SPAG16: variants seen among roughly 807,000 people sequenced by gnomAD.
The protein encoded by SPAG16 is sperm associated antigen 16, also known as sperm-associated antigen 16 protein.
Under a neutral mutation model 80.4 loss-of-function variants are expected in SPAG16, and 86 were observed. The observed-to-expected ratio is 1.07, with a 90% CI of 0.90 to 1.28. SPAG16 has a LOEUF of 1.28. SPAG16 is among the 50% of genes most tolerant of loss of function. SPAG16 has a pLI of 0.00. For missense variants in SPAG16, 870 were observed against 765.3 expected (o/e 1.14, Z -1.61); for synonymous variants, 294 against 265.9 (o/e 1.11, Z -1.03).
chr2:213,895,930 A>T (rs959755185), intron 11 of SPAG16, among the ~76,000 whole-genome samples: 1 of 152,102 alleles, frequency 6.6e-6, no homozygotes, highest in African/African-American at 2.4e-5. Context: ...TAAAAAATAA[A>T]AAAAAATGAA....
At chr2:213,763,735 A>G (rs761733270) in intron 10 of SPAG16, among the ~76,000 whole-genome samples, 5 of 152,210 alleles carry the variant, frequency 3.3e-5, no homozygotes, top group Non-Finnish European at 2.9e-5. Flanking sequence ...GTGATGCAAT[A>G]TGATATTGTG....
chr2:214,061,083 G>C (rs1478339701), intron 13 of SPAG16, among the ~76,000 whole-genome samples: 1 of 152,170 alleles, frequency 6.6e-6, no homozygotes, highest in East Asian at 1.9e-4. Flanking sequence ...AAGTTTGTGA[G>C]ACAGAGTACT....
intron 12 of SPAG16, among the ~76,000 whole-genome samples, chr2:213,967,481 A>T (rs1355286668): frequency 6.6e-6 from 1 of 152,222 alleles, no homozygotes; most frequent in Non-Finnish European, 1.5e-5. Context: ...ATTTTCAAAA[A>T]ACCAGATACT....
At chr2:214,243,087 A>G (rs183817801) in intron 15 of SPAG16, among the ~76,000 whole-genome samples, 7 of 152,310 alleles carry the variant, frequency 4.6e-5, no homozygotes, top group Non-Finnish European at 4.4e-5. Flanking sequence ...TAGAAGTGGT[A>G]ACTAAGTGTT....
intron 10 of SPAG16, among the ~76,000 whole-genome samples, chr2:213,746,323 T>A (rs1163401157): frequency 2.0e-5 from 3 of 152,254 alleles, no homozygotes; most frequent in Non-Finnish European, 1.5e-5. Flanking sequence ...TCCAGTCTTA[T>A]GCCACTTAAC....
In SPAG16 at chr2:213,600,008, G is replaced by C. The variant is rs553120677; in HGVS notation, c.1070+109918G>C. Reference sequence around the variant, plus strand: ...GCCTATTAGTAGTTGTGTTTTATGAGTCAAAGGTTGTATGCAGATTTTCTG... The same window carrying C: ...GCCTATTAGTAGTTGTGTTTTATGACTCAAAGGTTGTATGCAGATTTTCTG... On this transcript the variant is annotated intron_variant, in intron 10 of 15. Coordinates refer to ENST00000331683, the MANE Select transcript of SPAG16 (RefSeq NM_024532.5). Among the ~76,000 whole-genome samples, 125 of 152,262 alleles carry C rather than the reference G, an allele frequency of 8.2e-4. 1 individual carries two copies. The highest frequency in any genetic ancestry group is 1.4e-3 in the Non-Finnish European group (97 of 68,000).
At chr2:213,776,630 A>G (rs1176438460) in intron 10 of SPAG16, among the ~76,000 whole-genome samples, 4 of 152,060 alleles carry the variant, frequency 2.6e-5, no homozygotes, top group African/African-American at 4.8e-5. Flanking sequence ...GAAATTTTAA[A>G]AAGTTTTTTT....
At chr2:214,125,230 A>T (rs1233466209) in intron 14 of SPAG16, among the ~76,000 whole-genome samples, 1 of 151,528 alleles carries the variant, frequency 6.6e-6, no homozygotes, top group Non-Finnish European at 1.5e-5. Context: ...ATGAGGCTTG[A>T]TACTGGAATT....
chr2:214,363,447 CT>C (rs1395012895), intron 15 of SPAG16, among the ~76,000 whole-genome samples: 2 of 151,984 alleles, frequency 1.3e-5, no homozygotes, highest in Non-Finnish European at 2.9e-5. Context: ...AATTTCCATA[CT>C]TTTAAATATT....
chr2:214,088,295 A>G (rs1400869944), intron 13 of SPAG16, among the ~76,000 whole-genome samples: 1 of 152,078 alleles, frequency 6.6e-6, no homozygotes, highest in Non-Finnish European at 1.5e-5. Flanking sequence ...AAGAAAGTGC[A>G]ACCATACCTA....
intron 15 of SPAG16, among the ~76,000 whole-genome samples, chr2:214,375,547 C>T (rs987369075): frequency 1.3e-5 from 2 of 152,154 alleles, no homozygotes; most frequent in Non-Finnish European, 2.9e-5. Flanking sequence ...CACAAATACA[C>T]ACACACAAAC....
chr2:213,809,007 A>G (rs1398753586), intron 10 of SPAG16, among the ~76,000 whole-genome samples: 2 of 152,290 alleles, frequency 1.3e-5, no homozygotes, highest in African/African-American at 4.8e-5. Flanking sequence ...CAAGACAAAG[A>G]TGTAAAAGGG....
intron 10 of SPAG16, among the ~76,000 whole-genome samples, chr2:213,709,549 T>C (rs1360451720): frequency 1.3e-5 from 2 of 152,202 alleles, no homozygotes; most frequent in African/African-American, 2.4e-5. Context: ...CATTTTACTT[T>C]TGTTAACTTG....
At chr2:214,066,863 T>A (rs1024050507) in intron 13 of SPAG16, among the ~76,000 whole-genome samples, 1 of 152,192 alleles carries the variant, frequency 6.6e-6, no homozygotes, top group African/African-American at 2.4e-5. Context: ...AATTATTCTT[T>A]GATTTCAACT....
chr2:213,840,197 C>T (rs905736520), intron 10 of SPAG16, among the ~76,000 whole-genome samples: 5 of 152,232 alleles, frequency 3.3e-5, no homozygotes, highest in Middle Eastern at 3.4e-3. Context: ...TATTTTTAAT[C>T]GTTGACTTTA....
In SPAG16 at chr2:213,317,396, T is replaced by C. The variant is rs748686622; in HGVS notation, c.536+40T>C. ...AAATGACATTTTCTTCTTTTTCTTTTGGACTAAATAAAAGAGTTGAGTGAA... is the reference window on the plus strand; with the variant it reads ...AAATGACATTTTCTTCTTTTTCTTTCGGACTAAATAAAAGAGTTGAGTGAA... On this transcript the variant is annotated intron_variant, in intron 5 of 15. Coordinates refer to ENST00000331683, the MANE Select transcript of SPAG16 (RefSeq NM_024532.5). 2.3e-5 allele frequency: 36 copies of C among 1,581,386 alleles called. No homozygotes were observed. In the Admixed American group the frequency reaches 6.3e-4, roughly 28 times the overall value.
chr2:214,113,272 T>C (rs2053767346), intron 14 of SPAG16, among the ~76,000 whole-genome samples: 1 of 152,218 alleles, frequency 6.6e-6, no homozygotes, highest in African/African-American at 2.4e-5. Flanking sequence ...ATTTCAACCT[T>C]GATGAATCTG....
intron 14 of SPAG16, among the ~76,000 whole-genome samples, chr2:214,137,693 C>A (rs1181508973): frequency 2.0e-5 from 3 of 152,118 alleles, no homozygotes; most frequent in African/African-American, 7.2e-5. Context: ...CCAAATCATT[C>A]TAACTAGGTA....
intron 10 of SPAG16, among the ~76,000 whole-genome samples, chr2:213,651,450 T>A (rs1166417076): frequency 6.6e-6 from 1 of 152,170 alleles, no homozygotes; most frequent in East Asian, 1.9e-4. Flanking sequence ...TTTTTGGCAG[T>A]AAGCAGAAAC....
Sources: gnomAD v4.1 joint callset for allele counts (sites outside exome capture counted in the v4.1 genomes callset) on GRCh38, gnomAD v4.1.1 for gene constraint, MANE v1.5 for transcripts, NCBI Gene and HGNC (gene_info 2026-07-23, HGNC 2026-07-21) for gene names.